Variants in USP24 observed in about 807,000 individuals in gnomAD.
USP24 encodes the protein ubiquitin carboxyl-terminal hydrolase 24.
Under a neutral mutation model 361.6 loss-of-function variants are expected in USP24, and 97 were observed. The ratio of observed to expected loss-of-function variants is 0.27; its 90% CI spans 0.23 to 0.32. The LOEUF (loss-of-function observed/expected upper bound fraction) is 0.32, where lower values mean the gene tolerates loss of function less well. Ranked by LOEUF, USP24 falls within the 10% of genes least tolerant of loss-of-function variation. The pLI is 1.00. For missense variants in USP24, 2,353 were observed against 3,165.6 expected, an observed-to-expected ratio of 0.74 and a Z score of 6.16; for synonymous variants, 1,098 against 1,124.6, an observed-to-expected ratio of 0.98 and a Z score of 0.47.
chr1:55,149,391 G>A (rs1394670196), intron 16 of USP24, among the ~76,000 whole-genome samples: 1 of 152,138 alleles, frequency 6.6e-6, no homozygotes, highest in Non-Finnish European at 1.5e-5. Flanking sequence ...TTCTTCAGAG[G>A]CTGAAGTTTT....
intron 1 of USP24, among the ~76,000 whole-genome samples, chr1:55,210,503 T>A (rs1249635693): frequency 6.6e-6 from 1 of 152,180 alleles, no homozygotes; most frequent in African/African-American, 2.4e-5. Context: ...GTTGTTGTAT[T>A]TTAGGAAAAG....
At chr1:55,195,771 G>T (rs1163198115) in intron 1 of USP24, among the ~76,000 whole-genome samples, 1 of 152,206 alleles carries the variant, frequency 6.6e-6, no homozygotes, top group Admixed American at 6.5e-5. Flanking sequence ...AAGTAAAGTG[G>T]TGGGTGCCAG....
chr1:55,075,356 T>C, intron 63 of USP24, 101 bp downstream of exon 63: 1 of 1,144,576 alleles, frequency 8.7e-7, no homozygotes, highest in Non-Finnish European at 1.3e-6. Context: ...TATCAGTCAC[T>C]GTAGATCCCA....
At chr1:55,147,953 T>C (rs1247964528) in intron 17 of USP24, among the ~76,000 whole-genome samples, 155 bp from the exon 18 acceptor site, 1 of 152,172 alleles carries the variant, frequency 6.6e-6, no homozygotes, top group Non-Finnish European at 1.5e-5. Flanking sequence ...GTAAATAAAA[T>C]CAATCTGGTA....
chr1:55,118,040 T>G (rs1336188122), intron 38 of USP24, among the ~76,000 whole-genome samples: 1 of 152,216 alleles, frequency 6.6e-6, no homozygotes, highest in Non-Finnish European at 1.5e-5. Flanking sequence ...AAAATCTTGT[T>G]AAGATGTCAT....
At chr1:55,171,760 T>C (rs75609523) in intron 4 of USP24, 82 bp from the exon 5 acceptor site, 45,381 of 1,454,506 alleles carry the variant, frequency 0.031, 820 homozygotes, top group Non-Finnish European at 0.036. Flanking sequence ...GATAAAAATA[T>C]AGCCTTTGAC....
intron 1 of USP24, among the ~76,000 whole-genome samples, chr1:55,190,525 C>A (rs1372374778): frequency 6.6e-6 from 1 of 152,202 alleles, no homozygotes; most frequent in Non-Finnish European, 1.5e-5. Context: ...TAGCTCCGAA[C>A]AGACATAATG....
intron 67 of USP24, among the ~76,000 whole-genome samples, chr1:55,070,635 A>T (rs1346709059): frequency 6.6e-6 from 1 of 152,168 alleles, no homozygotes; most frequent in Non-Finnish European, 1.5e-5. Context: ...TTAAGTTTAG[A>T]GAATTAGTCG....
intron 36 of USP24, among the ~76,000 whole-genome samples, chr1:55,122,555 C>G (rs1646312568): frequency 6.6e-6 from 1 of 152,016 alleles, no homozygotes. Context: ...AACTGCAAGG[C>G]AGAAGCAAGA....
intron 28 of USP24, among the ~76,000 whole-genome samples, chr1:55,136,147 T>C (rs1646728703): frequency 6.6e-6 from 1 of 151,828 alleles, no homozygotes; most frequent in South Asian, 2.1e-4. Context: ...AGGCTGAAAA[T>C]CTAGACAAGA....
intron 45 of USP24, among the ~76,000 whole-genome samples, chr1:55,099,544 C>T (rs1046308889): frequency 2.0e-5 from 3 of 151,154 alleles, no homozygotes; most frequent in Non-Finnish European, 4.4e-5. Context: ...GGTGACAGAG[C>T]GAGACTCTGT....
chr1:55,110,297 A>G, intron 38 of USP24, 51 bp from the exon 39 acceptor site: 1 of 1,433,894 alleles, frequency 7.0e-7, no homozygotes, highest in Non-Finnish European at 9.3e-7. Flanking sequence ...TTTGAAAATA[A>G]AAAGCATTTT....
At chr1:55,147,151 C>T (rs1647049918) in intron 18 of USP24, 91 bp from the exon 19 acceptor site, 4 of 1,256,600 alleles carry the variant, frequency 3.2e-6, no homozygotes, top group African/African-American at 3.1e-5. Flanking sequence ...GTTTTAACAA[C>T]AGTTTTACTT....
At chr1:55,112,386 T>C (rs1645980117) in intron 38 of USP24, among the ~76,000 whole-genome samples, 1 of 152,162 alleles carries the variant, frequency 6.6e-6, no homozygotes, top group Admixed American at 6.5e-5. Flanking sequence ...TTGTAGATCT[T>C]TCCTGCTTTC....
intron 38 of USP24, among the ~76,000 whole-genome samples, chr1:55,111,044 T>G (rs1221618226): frequency 6.6e-6 from 1 of 152,062 alleles, no homozygotes; most frequent in Non-Finnish European, 1.5e-5. Flanking sequence ...AGTCTGAGGA[T>G]TAAAAGAAAA....
chr1:55,194,648 T>C (rs1644371340), intron 1 of USP24, among the ~76,000 whole-genome samples: 1 of 152,056 alleles, frequency 6.6e-6, no homozygotes, highest in African/African-American at 2.4e-5. Flanking sequence ...CTCCTTAGGC[T>C]TCAGATGAAT....
rs1433417547 is a variant in USP24 at position 55,153,919 on chromosome 1, T to C, written c.1813-2A>G. The C allele has an allele frequency of 6.4e-7, 1 of 1,550,800 alleles. No individual in the cohort carries two copies. The highest frequency in any genetic ancestry group is 2.4e-5 in the East Asian group (1 of 40,906). On this transcript the variant is annotated splice_acceptor_variant, in intron 15 of 67. Transcript: ENST00000294383. LOFTEE classifies it high-confidence loss of function. ...TTCCAAACCTGACCATTCTCCAGGC[T>C]GAAAATTCATTTTAAGAGAAATATA...
At position 55,107,417 on chromosome 1, in the gene USP24, C is replaced by A; in HGVS notation, c.4584G>T (p.Glu1528Asp). Residue 1528 changes from glutamate to aspartate, a missense_variant, in exon 40 of 68, where the codon GAG becomes GAT. By Grantham distance (45) the Glu-to-Asp change is conservative. This residue lies in a region of USP24 where 949 missense variants were observed against 1,280.5 expected (regional missense o/e 0.74). Coordinates refer to ENST00000294383, the MANE Select transcript of USP24 (RefSeq NM_015306.3). The part of the protein sequence containing the change: ...LLDDLTTSEM[E>D]QLRISPATML... ...TCGTAGCTGGGCTGATCCTTAACTGCTCCATTTCTGAAGCTAAGAAGGAAA... is the reference window on the plus strand; with the variant it reads ...TCGTAGCTGGGCTGATCCTTAACTGATCCATTTCTGAAGCTAAGAAGGAAA... 1 of 1,594,794 alleles carries A rather than the reference C, an allele frequency of 6.3e-7. No individual in the cohort carries two copies. Among genetic ancestry groups the A allele is most frequent in the Admixed American group, 1.8e-5 (1 of 55,018 alleles).
In USP24 at chr1:55,075,443, C is replaced by A; in HGVS notation, c.7447+14G>T. ...TTACTATAGACATTTGTGCATAAGA[C>A]CAGGCATACTTGCCTAGTAATCCAT... On this transcript the variant is annotated intron_variant, in intron 63 of 67. Coordinates refer to ENST00000294383, the MANE Select transcript of USP24 (RefSeq NM_015306.3). 1 of 1,593,336 alleles carries A rather than the reference C, an allele frequency of 6.3e-7. No homozygotes were observed. Among genetic ancestry groups the A allele is most frequent in the South Asian group, 1.1e-5 (1 of 87,346 alleles).
Sources: gnomAD v4.1 joint callset for allele counts (sites outside exome capture counted in the v4.1 genomes callset) on GRCh38, gnomAD v4.1.1 for gene constraint, gnomAD v4.1.1 regional missense constraint, MANE v1.5 for transcripts, NCBI Gene and HGNC (gene_info 2026-07-23, HGNC 2026-07-21) for gene names.